Variants in PTK2B observed in about 807,000 individuals in gnomAD.
PTK2B encodes protein-tyrosine kinase 2-beta.
Under a neutral mutation model 142.9 loss-of-function variants are expected in PTK2B, and 71 were observed. That is an observed-to-expected ratio of 0.50 (90% CI 0.41 to 0.61). The LOEUF (loss-of-function observed/expected upper bound fraction) is 0.61, where lower values mean the gene tolerates loss of function less well. Among genes scored for constraint, PTK2B ranks in the 20% least tolerant of loss-of-function variants. PTK2B has a pLI of 0.00. For synonymous variants in PTK2B, 519 were observed against 503.4 expected (o/e 1.03, Z -0.42); for missense variants, 1,105 against 1,320.4 (o/e 0.84, Z 2.53).
chr8:27,321,169 A>AT (rs954646301), upstream of PTK2B, among the ~76,000 whole-genome samples: 15 of 151,290 alleles, frequency 9.9e-5, no homozygotes, highest in South Asian at 8.3e-4. Flanking sequence ...TAATTTTTGT[A>AT]TTTTTTTGTA....
At chr8:27,421,517 A>G (rs181638254) in intron 4 of PTK2B, among the ~76,000 whole-genome samples, 2 of 152,106 alleles carry the variant, frequency 1.3e-5, no homozygotes, top group African/African-American at 4.8e-5. Flanking sequence ...TTGCATCATC[A>G]TGGTTAGCTC....
At chr8:27,328,025 T>G (rs909134881) in intron 1 of PTK2B, among the ~76,000 whole-genome samples, 4 of 152,160 alleles carry the variant, frequency 2.6e-5, no homozygotes, top group Non-Finnish European at 5.9e-5. Flanking sequence ...CATAGTAGGG[T>G]TCATGCTTCC....
chr8:27,422,272 C>G (rs781550084), intron 4 of PTK2B, 32 bp from the exon 5 acceptor site: 12 of 1,600,888 alleles, frequency 7.5e-6, no homozygotes, highest in African/African-American at 1.3e-5. Flanking sequence ...GGTGAGGGTG[C>G]AAGCCTGATG....
upstream of PTK2B, among the ~76,000 whole-genome samples, chr8:27,321,332 G>C (rs888626443): frequency 6.6e-6 from 1 of 151,928 alleles, no homozygotes; most frequent in Non-Finnish European, 1.5e-5. Context: ...AAATTCCAAG[G>C]GTTTTAGAAG....
chr8:27,447,631 G>A (rs1186601635), intron 24 of PTK2B, among the ~76,000 whole-genome samples: 1 of 152,190 alleles, frequency 6.6e-6, no homozygotes, highest in Admixed American at 6.5e-5. Flanking sequence ...GGCCAAGGTG[G>A]GTGGATCACT....
intron 3 of PTK2B, among the ~76,000 whole-genome samples, chr8:27,420,430 G>C (rs1486582112): frequency 6.6e-6 from 1 of 152,184 alleles, no homozygotes; most frequent in East Asian, 1.9e-4. Flanking sequence ...TGGAGAGTCA[G>C]GGATAGCTCA....
intron 2 of PTK2B, among the ~76,000 whole-genome samples, chr8:27,419,558 G>A (rs1314356861): frequency 6.6e-6 from 1 of 152,220 alleles, no homozygotes; most frequent in African/African-American, 2.4e-5. Context: ...CACTCAGAAG[G>A]TCTGCTGTTC....
intron 1 of PTK2B, among the ~76,000 whole-genome samples, chr8:27,340,491 G>A (rs896808190): frequency 5.3e-5 from 8 of 152,244 alleles, no homozygotes; most frequent in African/African-American, 1.2e-4. Context: ...GAGATAAGGC[G>A]AGAATGCTAT....
chr8:27,378,628 T>C (rs1456458176), intron 1 of PTK2B, among the ~76,000 whole-genome samples: 9 of 146,490 alleles, frequency 6.1e-5, no homozygotes, highest in Admixed American at 4.0e-4. Flanking sequence ...TGTGTGTGTG[T>C]GTGTGTGTGT....
upstream of PTK2B, among the ~76,000 whole-genome samples, chr8:27,321,468 T>A (rs762443241): frequency 2.6e-5 from 4 of 152,216 alleles, no homozygotes; most frequent in African/African-American, 4.8e-5. Context: ...TTCTTTCTCA[T>A]GTAAAAGTTA....
intron 4 of PTK2B, 31 bp downstream of exon 4, chr8:27,420,775 G>A (rs753407642): frequency 6.4e-7 from 1 of 1,565,828 alleles, no homozygotes; most frequent in Admixed American, 1.7e-5. Context: ...TTGCCCCGAG[G>A]CTCCCATTAC....
chr8:27,454,006 C>A, intron 28 of PTK2B, 148 bp from the exon 29 acceptor site: 3 of 1,147,276 alleles, frequency 2.6e-6, no homozygotes, highest in South Asian at 1.5e-5. Context: ...AGGCAATGCA[C>A]CCCGGGACAG....
At chr8:27,373,573 T>G (rs1228327689) in intron 1 of PTK2B, among the ~76,000 whole-genome samples, 2 of 152,112 alleles carry the variant, frequency 1.3e-5, no homozygotes, top group Non-Finnish European at 2.9e-5. Flanking sequence ...TTCTAGCTGC[T>G]TGGGGGGCTG....
At chr8:27,398,281 AG>A (rs1450658956) in intron 2 of PTK2B, among the ~76,000 whole-genome samples, 1 of 152,190 alleles carries the variant, frequency 6.6e-6, no homozygotes, top group Non-Finnish European at 1.5e-5. Context: ...AGCCAGGTGG[AG>A]GGTTAACAGG....
intron 28 of PTK2B, 151 bp downstream of exon 28, chr8:27,453,311 C>G: frequency 2.0e-6 from 2 of 981,650 alleles, no homozygotes; most frequent in Non-Finnish European, 1.5e-6. Flanking sequence ...GGGCGGGTGG[C>G]GGGGTGCCTT....
intron 1 of PTK2B, among the ~76,000 whole-genome samples, chr8:27,337,692 G>A (rs1045209925): frequency 3.3e-5 from 5 of 152,100 alleles, no homozygotes; most frequent in South Asian, 4.2e-4. Context: ...TTAGTACTTC[G>A]TTTCGTTTTG....
At chr8:27,354,573 A>G (rs1028143514) in intron 1 of PTK2B, among the ~76,000 whole-genome samples, 6 of 152,156 alleles carry the variant, frequency 3.9e-5, no homozygotes, top group African/African-American at 1.4e-4. Flanking sequence ...TGTTGGGAGG[A>G]CTGTTAAACT....
chr8:27,439,109 TGAG>T lies in PTK2B; in HGVS notation c.1725_1727del (p.Glu575del). The T allele has an allele frequency of 6.2e-7, 1 of 1,613,900 alleles. No individual in the cohort carries two copies. The highest frequency in any genetic ancestry group is 8.5e-7 in the Non-Finnish European group (1 of 1,179,784). Reference sequence around the variant, plus strand: ...GGGACTTTGGTCTTTCCCGGTACATTGAGGACGAGGACTATTACAAAGGTGAGG... The same window carrying T: ...GGGACTTTGGTCTTTCCCGGTACATTGACGAGGACTATTACAAAGGTGAGG... On this transcript the variant is annotated inframe_deletion, in exon 19 of 31. Transcript: ENST00000346049.
chr8:27,341,952 ACAGGTATGATCCACCC>A (rs1268729013), intron 1 of PTK2B, among the ~76,000 whole-genome samples: 13 of 152,148 alleles, frequency 8.5e-5, no homozygotes, highest in Non-Finnish European at 1.9e-4. Flanking sequence ...CTGGGATTAC[ACAGGTATGATCCACCC>A]CACCTGGCTG....
Sources: allele counts gnomAD v4.1 joint callset (sites outside exome capture counted in the v4.1 genomes callset), GRCh38; gene constraint gnomAD v4.1.1; transcripts MANE v1.5; gene names NCBI Gene and HGNC (gene_info 2026-07-23, HGNC 2026-07-21).